MACROD2: variants seen among roughly 807,000 people sequenced by gnomAD.
MACROD2 encodes the protein ADP-ribose glycohydrolase MACROD2.
In MACROD2, 36 loss-of-function variants were observed where a neutral mutation model predicts 70.4. The ratio of observed to expected loss-of-function variants is 0.51; its 90% CI spans 0.39 to 0.68. The LOEUF is 0.68. Among genes scored for constraint, MACROD2 ranks in the 30% least tolerant of loss-of-function variants. The pLI is 0.00. For synonymous variants in MACROD2, 172 were observed against 178.8 expected (o/e 0.96, Z 0.30); for missense variants, 496 against 538.4 (o/e 0.92, Z 0.78).
At chr20:15,524,301 A>C (rs2047691035) in intron 8 of MACROD2, among the ~76,000 whole-genome samples, 2 of 151,952 alleles carry the variant, frequency 1.3e-5, no homozygotes, top group Admixed American at 1.3e-4. Context: ...AGGCCACGTG[A>C]ATGAGTGAAG....
intron 12 of MACROD2, among the ~76,000 whole-genome samples, chr20:15,951,247 T>C (rs959628347): frequency 2.6e-5 from 4 of 151,846 alleles, no homozygotes; most frequent in African/African-American, 9.7e-5. Flanking sequence ...CTGACTCTTT[T>C]CTAATGACAT....
intron 8 of MACROD2, among the ~76,000 whole-genome samples, chr20:15,548,300 C>A (rs1359838793): frequency 6.6e-6 from 1 of 152,164 alleles, no homozygotes; most frequent in African/African-American, 2.4e-5. Context: ...GATTTTAAAA[C>A]ATATCATAAA....
At chr20:14,147,401 A>G (rs1345277173) in intron 3 of MACROD2, among the ~76,000 whole-genome samples, 1 of 152,156 alleles carries the variant, frequency 6.6e-6, no homozygotes, top group Non-Finnish European at 1.5e-5. Flanking sequence ...GAGTTATGAA[A>G]ATTAAATAAT....
chr20:13,997,036 A>G (rs1235938059), intron 1 of MACROD2, among the ~76,000 whole-genome samples: 9 of 152,216 alleles, frequency 5.9e-5, no homozygotes, highest in African/African-American at 1.7e-4. Flanking sequence ...AGAATCCACT[A>G]TATAGGATCG....
At chr20:14,156,709 T>C (rs1290135552) in intron 3 of MACROD2, among the ~76,000 whole-genome samples, 1 of 152,220 alleles carries the variant, frequency 6.6e-6, no homozygotes. Context: ...AATTAACCTT[T>C]GCGTAATTTC....
intron 5 of MACROD2, among the ~76,000 whole-genome samples, chr20:15,118,616 G>A (rs562639339): frequency 6.6e-6 from 1 of 152,226 alleles, no homozygotes; most frequent in African/African-American, 2.4e-5. Context: ...CAGTTTCAAA[G>A]GAAATCAGTT....
At chr20:15,967,240 T>C (rs1301131182) in intron 12 of MACROD2, among the ~76,000 whole-genome samples, 1 of 152,172 alleles carries the variant, frequency 6.6e-6, no homozygotes, top group East Asian at 1.9e-4. Context: ...TCATTTTGCC[T>C]TCCTTTTATG....
At chr20:15,457,073 TTTA>T (rs1214106782) in intron 7 of MACROD2, among the ~76,000 whole-genome samples, 23 of 116,636 alleles carry the variant, frequency 2.0e-4, no homozygotes, top group African/African-American at 4.7e-4. Context: ...TTTTTTTTTT[TTTA>T]AAAAAAAAGC....
chr20:14,180,244 T>C (rs2081295405), intron 3 of MACROD2, among the ~76,000 whole-genome samples: 2 of 152,134 alleles, frequency 1.3e-5, no homozygotes. Flanking sequence ...GTTTGTTGCT[T>C]ATTATAGCTG....
chr20:15,327,058 A>G (rs143217327), intron 6 of MACROD2, among the ~76,000 whole-genome samples: 4 of 152,316 alleles, frequency 2.6e-5, no homozygotes, highest in Non-Finnish European at 4.4e-5. Context: ...TTTACGTAAT[A>G]CAGAAGCCTT....
At chr20:14,340,894 T>G (rs940597487) in intron 3 of MACROD2, among the ~76,000 whole-genome samples, 2 of 152,244 alleles carry the variant, frequency 1.3e-5, no homozygotes, top group Non-Finnish European at 2.9e-5. Flanking sequence ...AGATGTTCAC[T>G]AGTGGACATG....
intron 5 of MACROD2, among the ~76,000 whole-genome samples, chr20:15,058,714 G>T (rs1309572196): frequency 6.6e-6 from 1 of 152,098 alleles, no homozygotes; most frequent in East Asian, 1.9e-4. Context: ...TCTTAAAAGA[G>T]CTTCGTAGAG....
chr20:14,717,492 C>A (rs190948035), intron 5 of MACROD2, among the ~76,000 whole-genome samples: 7 of 150,832 alleles, frequency 4.6e-5, no homozygotes, highest in Non-Finnish European at 8.8e-5. Flanking sequence ...CTTTTTATTA[C>A]CAAGTTATTA....
At chr20:15,638,111 T>G (rs1403740040) in intron 8 of MACROD2, among the ~76,000 whole-genome samples, 2 of 152,178 alleles carry the variant, frequency 1.3e-5, no homozygotes, top group Non-Finnish European at 2.9e-5. Flanking sequence ...CGTGCATTGT[T>G]CCATGCCACC....
intron 5 of MACROD2, among the ~76,000 whole-genome samples, chr20:15,119,748 G>A (rs2076017381): frequency 6.6e-6 from 1 of 152,164 alleles, no homozygotes; most frequent in South Asian, 2.1e-4. Context: ...ATGACACAGA[G>A]CCCTAAGTTA....
At chr20:15,076,464 C>G (rs958035268) in intron 5 of MACROD2, among the ~76,000 whole-genome samples, 3 of 152,040 alleles carry the variant, frequency 2.0e-5, no homozygotes, top group African/African-American at 7.2e-5. Context: ...TCAAATTAAG[C>G]TTGTCACATT....
At chr20:15,742,027 A>G (rs1270823130) in intron 8 of MACROD2, among the ~76,000 whole-genome samples, 2 of 152,194 alleles carry the variant, frequency 1.3e-5, no homozygotes, top group Non-Finnish European at 2.9e-5. Flanking sequence ...TGTTATAGTA[A>G]TGGTCTGGGC....
intron 5 of MACROD2, among the ~76,000 whole-genome samples, chr20:14,862,391 AT>A (rs2073355276): frequency 4.5e-5 from 1 of 22,020 alleles, no homozygotes; most frequent in African/African-American, 2.7e-4. Flanking sequence ...ATAAATATAT[AT>A]AAATATATAT....
intron 8 of MACROD2, among the ~76,000 whole-genome samples, chr20:15,717,892 A>T (rs1393652942): frequency 6.6e-6 from 1 of 152,152 alleles, no homozygotes; most frequent in Non-Finnish European, 1.5e-5. Context: ...TGGCATGGAA[A>T]ATGGGATCAG....
Sources: allele counts gnomAD v4.1 joint callset (sites outside exome capture counted in the v4.1 genomes callset), GRCh38; gene constraint gnomAD v4.1.1; transcripts MANE v1.5; gene names NCBI Gene and HGNC (gene_info 2026-07-23, HGNC 2026-07-21).